GMCL1: variants seen among roughly 807,000 people sequenced by gnomAD.
GMCL1 encodes germ cell-less protein-like 1.
A neutral mutation model predicts 75.5 loss-of-function variants in GMCL1; 54 were observed. The observed-to-expected ratio is 0.71, with a 90% CI of 0.57 to 0.90. GMCL1 has a LOEUF of 0.90. GMCL1 is among the 40% of genes least tolerant of loss of function. GMCL1 has a pLI of 0.00. For missense variants in GMCL1, 537 were observed against 622.7 expected (o/e 0.86, Z 1.47); for synonymous variants, 210 against 209.6 (o/e 1.00, Z -0.02).
At chr2:69,860,294 C>G (rs1050629474) in intron 9 of GMCL1, among the ~76,000 whole-genome samples, 2 of 152,070 alleles carry the variant, frequency 1.3e-5, no homozygotes, top group Admixed American at 1.3e-4. Context: ...ACCTGGCCTA[C>G]TCTTATTTTT....
intron 11 of GMCL1, among the ~76,000 whole-genome samples, chr2:69,867,180 A>T (rs1230563844): frequency 6.6e-6 from 1 of 152,056 alleles, no homozygotes; most frequent in Non-Finnish European, 1.5e-5. Context: ...TCCTGGGCTC[A>T]AGTGGTCCTC....
chr2:69,877,422 G>A (rs1308828688), intron 13 of GMCL1, among the ~76,000 whole-genome samples: 1 of 152,140 alleles, frequency 6.6e-6, no homozygotes, highest in African/African-American at 2.4e-5. Context: ...CTTCCTCAGA[G>A]CCTTTTAGTT....
In GMCL1 at chr2:69,869,851, A is replaced by G. The variant is rs769327479; in HGVS notation, c.1351A>G (p.Ser451Gly). The change falls in exon 12 of 14, where the codon AGC becomes GGC. Residue 451 changes from serine to glycine, a missense_variant. Physicochemically the swap from Ser to Gly is moderately conservative, Grantham distance 56. Around this residue, in one of 3 missense-constraint regions of GMCL1, gnomAD observed 345 missense variants for 410.5 expected, o/e 0.84. Coordinates refer to ENST00000282570, the MANE Select transcript of GMCL1 (RefSeq NM_178439.5). ...ATCTGTCAGTTTACAGCCTCGAAGG[A>G]GCATAGCATTTAGGTAGGATGAGAT... ...SGSVSLQPRRSIAFRLRLASF... is the reference protein window; with the variant it reads ...SGSVSLQPRRGIAFRLRLASF... 3.7e-6 allele frequency: 6 copies of G among 1,613,646 alleles called. No homozygotes were observed. Among genetic ancestry groups the G allele is most frequent in the African/African-American group, 1.3e-5 (1 of 74,864 alleles).
intron 1 of GMCL1, among the ~76,000 whole-genome samples, chr2:69,831,309 A>G (rs1032013996): frequency 1.3e-5 from 2 of 152,210 alleles, no homozygotes; most frequent in Non-Finnish European, 2.9e-5. Context: ...TAAAAACTTA[A>G]TAGTTTGGTT....
At chr2:69,853,746 C>T (rs1028922338) in intron 8 of GMCL1, among the ~76,000 whole-genome samples, 2 of 148,180 alleles carry the variant, frequency 1.3e-5, no homozygotes, top group Non-Finnish European at 3.0e-5. Flanking sequence ...TTAGGAATAA[C>T]CTTAAATTCT....
At chr2:69,874,453 T>A (rs1317518009) in intron 13 of GMCL1, among the ~76,000 whole-genome samples, 1 of 152,162 alleles carries the variant, frequency 6.6e-6, no homozygotes, top group African/African-American at 2.4e-5. Context: ...TTCACCATGT[T>A]AGCCAGGCTG....
rs1663549244 is a variant in GMCL1 at position 69,869,661 on chromosome 2, T to G, written c.1219-58T>G. The G allele has an allele frequency of 2.0e-6, 3 of 1,536,260 alleles. No homozygotes were observed. In the South Asian group the frequency reaches 3.5e-5, roughly 18 times the overall value. On this transcript the variant is annotated intron_variant, in intron 11 of 13. Coordinates refer to ENST00000282570, the MANE Select transcript of GMCL1 (RefSeq NM_178439.5). ...AGACAAAAAGACATTTTGAATTTTT[T>G]ATTTTCTACTTGCTAATATGATAAA...
chr2:69,854,016 G>A (rs1319377910), intron 8 of GMCL1, among the ~76,000 whole-genome samples: 1 of 151,998 alleles, frequency 6.6e-6, no homozygotes, highest in Non-Finnish European at 1.5e-5. Flanking sequence ...TCTTGGCCAG[G>A]CTGATCTTGA....
intron 11 of GMCL1, among the ~76,000 whole-genome samples, chr2:69,868,573 T>A (rs543224343): frequency 6.6e-6 from 1 of 151,442 alleles, no homozygotes; most frequent in Admixed American, 6.6e-5. Context: ...TTATTTTTTT[T>A]TATTCTTTTT....
At chr2:69,835,227 C>T (rs1296285620) in intron 1 of GMCL1, among the ~76,000 whole-genome samples, 4 of 151,580 alleles carry the variant, frequency 2.6e-5, no homozygotes, top group Non-Finnish European at 5.9e-5. Flanking sequence ...AACAAACAAA[C>T]TATTCTTTGG....
intron 12 of GMCL1, among the ~76,000 whole-genome samples, chr2:69,871,116 C>T (rs1675969629): frequency 2.6e-5 from 4 of 152,144 alleles, no homozygotes; most frequent in Admixed American, 2.0e-4. Flanking sequence ...AAGGTGGAAG[C>T]AACCCACATG....
rs912746187 is a variant in GMCL1, at chr2:69,879,156, G to A, written c.*152G>A. ...AACAATGACAAAGGCCTTATGAACT[G>A]TACAGACAATACAGAAGATTATTCT... On this transcript the variant is annotated 3_prime_UTR_variant, in exon 14 of 14. Coordinates refer to ENST00000282570, the MANE Select transcript of GMCL1 (RefSeq NM_178439.5). 8.5e-6 allele frequency: 5 copies of A among 587,182 alleles called. No individual in the cohort carries two copies. The highest frequency in any genetic ancestry group is 3.1e-5 in the Admixed American group (1 of 32,090). The allele number at this position is 587,182 out of a possible 1,614,324, so 36.4% of individuals were successfully genotyped here.
rs755783305 is a variant in GMCL1 at position 69,861,322 on chromosome 2, C to T, written c.1117C>T (p.Arg373Trp). 11 of 1,609,226 alleles carry T rather than the reference C, an allele frequency of 6.8e-6. No individual in the cohort carries two copies. The highest frequency in any genetic ancestry group is 5.0e-5 in the Admixed American group (3 of 59,896). ...VYKQQWFAMLRAEQDSEVGPQ... is the reference protein window; with the variant it reads ...VYKQQWFAMLWAEQDSEVGPQ... Reference sequence around the variant, plus strand: ...TAAACAGCAGTGGTTTGCTATGCTGCGGGCAGAACAGGACAGTGAGGTGGG... The same window carrying T: ...TAAACAGCAGTGGTTTGCTATGCTGTGGGCAGAACAGGACAGTGAGGTGGG... Residue 373 changes from arginine to tryptophan, a missense_variant, in exon 10 of 14, where the codon CGG becomes TGG. This residue lies in a region of GMCL1 where 345 missense variants were observed against 410.5 expected (regional missense o/e 0.84). Coordinates refer to ENST00000282570, the MANE Select transcript of GMCL1 (RefSeq NM_178439.5).
intron 6 of GMCL1, chr2:69,844,908 C>A: frequency 3.5e-6 from 1 of 285,952 alleles, no homozygotes; most frequent in South Asian, 3.0e-5. Flanking sequence ...GGCCATGTCC[C>A]TGAATGTTAC....
intron 10 of GMCL1, among the ~76,000 whole-genome samples, chr2:69,862,769 A>C (rs2104019463): frequency 6.6e-6 from 1 of 152,318 alleles, no homozygotes; most frequent in East Asian, 1.9e-4. Context: ...CAAAAAAAAA[A>C]AAGATTGTTG....
At position 69,833,890 on chromosome 2, in the gene GMCL1, G is replaced by A. The variant is rs144520662; in HGVS notation, c.261-3657G>A. Among the ~76,000 whole-genome samples the A allele has an allele frequency of 5.1e-3, 770 of 152,218 alleles. 11 individuals are homozygous for A. Among genetic ancestry groups the A allele is most frequent in the African/African-American group, 0.018 (739 of 41,512 alleles). On this transcript the variant is annotated intron_variant, in intron 1 of 13. Coordinates refer to ENST00000282570, the MANE Select transcript of GMCL1 (RefSeq NM_178439.5). ...TAGCTTGTCTCTAAAAAATTGAAAC[G>A]ACATTACATAGTTATAACTAAGTAA... is the stretch of plus-strand genomic sequence containing the variant.
At chr2:69,846,110 T>C (rs1463069876) in intron 6 of GMCL1, among the ~76,000 whole-genome samples, 1 of 152,144 alleles carries the variant, frequency 6.6e-6, no homozygotes, top group East Asian at 1.9e-4. Flanking sequence ...CCTCCTAGAT[T>C]ATGGGGTTTT....
intron 13 of GMCL1, among the ~76,000 whole-genome samples, chr2:69,876,850 G>T (rs189966243): frequency 5.9e-5 from 9 of 152,128 alleles, no homozygotes; most frequent in Admixed American, 5.9e-4. Context: ...TTAGCCGGGC[G>T]TGGTGGCATG....
intron 1 of GMCL1, among the ~76,000 whole-genome samples, chr2:69,834,790 A>G (rs1328865557): frequency 1.3e-5 from 2 of 152,090 alleles, no homozygotes; most frequent in Non-Finnish European, 2.9e-5. Context: ...AATTTCTTCC[A>G]TAATTTCCTT....
Sources: gnomAD v4.1 joint callset for allele counts (sites outside exome capture counted in the v4.1 genomes callset) on GRCh38, gnomAD v4.1.1 for gene constraint, gnomAD v4.1.1 regional missense constraint, MANE v1.5 for transcripts, NCBI Gene and HGNC (gene_info 2026-07-23, HGNC 2026-07-21) for gene names.